Variants in SGCA observed in about 807,000 individuals in gnomAD.
SGCA encodes the protein alpha-sarcoglycan.
SGCA carries 34 observed loss-of-function variants against 38.1 expected under a neutral mutation model. The ratio of observed to expected loss-of-function variants is 0.89; its 90% CI spans 0.68 to 1.19. The LOEUF (loss-of-function observed/expected upper bound fraction) is 1.19, where lower values mean the gene tolerates loss of function less well. Ranked by LOEUF, SGCA falls within the 50% of genes most tolerant of loss-of-function variation. The pLI, the probability that SGCA is intolerant of heterozygous loss-of-function variation, is 0.00. For missense variants in SGCA, 476 were observed against 524.9 expected (o/e 0.91, Z 0.91); for synonymous variants, 209 against 214.6 (o/e 0.97, Z 0.23).
intron 4 of SGCA, 62 bp downstream of exon 4, chr17:50,168,081 AG>A (rs1905077977): frequency 1.4e-6 from 2 of 1,466,248 alleles, no homozygotes; most frequent in East Asian, 4.5e-5. Context: ...TCTCTCCCGG[AG>A]GGGGAGGGGG....
At chr17:50,170,074 T>C in intron 6 of SGCA, 69 bp from the exon 7 acceptor site, 1 of 1,367,330 alleles carries the variant, frequency 7.3e-7, no homozygotes, top group Non-Finnish European at 1.0e-6. Context: ...TCCTGGCCCC[T>C]GCCATGTTCC....
Position 50,167,356 on chromosome 17 carries a change from G to A in SGCA, c.38-12G>A. Reference sequence around the variant, plus strand: ...CTGGCCTGTGTGTTTGGGACTTGTGGGGTCCCCACAGTTCTCCTGGCAGGG... The same window carrying A: ...CTGGCCTGTGTGTTTGGGACTTGTGAGGTCCCCACAGTTCTCCTGGCAGGG... On this transcript the variant is annotated splice_polypyrimidine_tract_variant and intron_variant, in intron 1 of 9. Transcript: ENST00000262018. The surrounding 1 kb of genome is among the most constrained non-coding windows in gnomAD (Gnocchi z 4.5). 1 of 1,613,990 alleles carries A rather than the reference G, an allele frequency of 6.2e-7. No individual in the cohort carries two copies. The highest frequency in any genetic ancestry group is 1.1e-5 in the South Asian group (1 of 91,070).
Position 50,170,359 on chromosome 17 carries a change from T to A in SGCA, c.956+8T>A. The A allele has an allele frequency of 6.2e-7, 1 of 1,612,670 alleles. No homozygotes were observed. Reference sequence around the variant, plus strand: ...CTGCCGGCGGGAGGGAAGGTGAATGTGGGCATGAAGGGCGGGGGAGCACCT... The same window carrying A: ...CTGCCGGCGGGAGGGAAGGTGAATGAGGGCATGAAGGGCGGGGGAGCACCT... On this transcript the variant is annotated splice_region_variant and intron_variant, in intron 7 of 9. Coordinates refer to ENST00000262018, the MANE Select transcript of SGCA (RefSeq NM_000023.4).
rs187247342 is a variant in SGCA, at chr17:50,172,903, T to A, written c.983+2237T>A. 3.1e-3 allele frequency among the ~76,000 whole-genome samples: 472 copies of A among 152,342 alleles called. 2 individuals carry two copies. Among genetic ancestry groups the A allele is most frequent in the African/African-American group, 0.01 (424 of 41,582 alleles). On this transcript the variant is annotated intron_variant, in intron 8 of 9. Transcript: ENST00000262018. ...ATTTTCTGTTTTCAATTTTATAGAA[T>A]TTTTCCCCATGGGGATCAGTGATTT... is the stretch of plus-strand genomic sequence containing the variant.
At chr17:50,169,746 A>C (rs555208148) in intron 6 of SGCA, 3 of 377,498 alleles carry the variant, frequency 7.9e-6, no homozygotes, top group Non-Finnish European at 1.5e-5. Context: ...GCTGGTGTAC[A>C]CTGTTCCTGT....
intron 8 of SGCA, chr17:50,172,163 G>A (rs752839782): frequency 3.3e-5 from 15 of 456,892 alleles, no homozygotes; most frequent in Non-Finnish European, 5.3e-5. Context: ...CTTGAGCTCC[G>A]GCCCTCACCT....
Position 50,170,214 on chromosome 17 carries a change from G to T in SGCA, c.819G>T (p.Pro273=), listed in dbSNP as rs35972733. Residue 273 remains proline (P), a synonymous_variant, in exon 7 of 10, where the codon CCG becomes CCT. Transcript: ENST00000262018. The part of the protein sequence containing the change: ...TPGDGILEHD[P]FFCPPTEAPD... ...GTGATGGGATCCTGGAGCATGACCC[G>T]TTCTTCTGCCCACCCACTGAGGCCC... 54 of 1,614,072 alleles carry T rather than the reference G, an allele frequency of 3.3e-5. No individual in the cohort carries two copies. The African/African-American group carries it at 6.0e-4, about 18-fold the overall frequency.
At chr17:50,171,319 C>T (rs891527250) in intron 8 of SGCA, 8 of 354,816 alleles carry the variant, frequency 2.3e-5, no homozygotes, top group Non-Finnish European at 4.5e-5. Context: ...CAAATCCTTC[C>T]TCTCTTATTT....
chr17:50,174,111 G>A (rs2586477), intron 8 of SGCA, among the ~76,000 whole-genome samples: 105,549 of 152,030 alleles, frequency 0.69, 37,868 homozygotes, highest in East Asian at 0.94. Context: ...TTGAGGCCAG[G>A]AGTTCAAGAC....
At chr17:50,166,785 ACACACCCT>A in intron 1 of SGCA, among the ~76,000 whole-genome samples, 1 of 100,638 alleles carries the variant, frequency 9.9e-6, no homozygotes, top group African/African-American at 4.1e-5. Flanking sequence ...ACACACCCTC[ACACACCCT>A]CACACACACA....
Position 50,167,661 on chromosome 17 carries a change from C to G in SGCA, c.237C>G (p.Thr79=). The G allele has an allele frequency of 1.2e-6, 2 of 1,613,868 alleles. No homozygotes were observed. The highest frequency in any genetic ancestry group is 1.7e-6 in the Non-Finnish European group (2 of 1,179,928). ...ACCTGCCCCGGTGGCTCCGCTACAC[C>G]CAGCGCAGCCCCCACCACCCTGGCT... The part of the protein sequence containing the change: ...HPDLPRWLRY[T]QRSPHHPGFL... Residue 79 remains threonine, a synonymous_variant, in exon 3 of 10, where the codon ACC becomes ACG. Transcript: ENST00000262018. This position sits in a 1 kb window ranked among gnomAD's most constrained non-coding sequence, Gnocchi z 4.5.
chr17:50,169,849 T>C, intron 6 of SGCA: 1 of 524,320 alleles, frequency 1.9e-6, no homozygotes, highest in Non-Finnish European at 3.5e-6. Flanking sequence ...TGCTTGGCAC[T>C]GTCCCATCAA....
intron 8 of SGCA, among the ~76,000 whole-genome samples, chr17:50,172,707 G>A (rs1424556985): frequency 6.6e-6 from 1 of 152,138 alleles, no homozygotes; most frequent in Non-Finnish European, 1.5e-5. Context: ...TGAGCCACTG[G>A]GTTGAAGAAT....
At position 50,168,728 on chromosome 17, in the gene SGCA, G is replaced by A. The variant is rs56273576; in HGVS notation, c.584+156G>A. 9.8e-3 allele frequency among the ~76,000 whole-genome samples: 1,485 copies of A among 151,932 alleles called. 24 individuals are homozygous for A. Among genetic ancestry groups the A allele is most frequent in the African/African-American group, 0.033 (1,382 of 41,396 alleles). On this transcript the variant is annotated intron_variant, in intron 5 of 9. Transcript: ENST00000262018. ...TCACCACTCTCCTCTGGCTATACCC[G>A]CATCTCCTTGTCCTTCCAGAGCCTA...
intron 8 of SGCA, among the ~76,000 whole-genome samples, chr17:50,173,059 C>G (rs74470554): frequency 1.3e-5 from 2 of 152,174 alleles, no homozygotes; most frequent in African/African-American, 4.8e-5. Context: ...CAGCCTTCCC[C>G]GGGTCAACTC....
chr17:50,166,261 G>T, intron 1 of SGCA, 184 bp downstream of exon 1: 1 of 638,142 alleles, frequency 1.6e-6, no homozygotes, highest in Non-Finnish European at 2.8e-6. Flanking sequence ...CTGGGAGCTG[G>T]GCTCTGGGAT....
In SGCA at chr17:50,168,364, G is replaced by A; in HGVS notation, c.386-10G>A. The A allele has an allele frequency of 6.4e-7, 1 of 1,560,798 alleles. No individual in the cohort carries two copies. Among genetic ancestry groups the A allele is most frequent in the Non-Finnish European group, 8.7e-7 (1 of 1,153,390 alleles). On this transcript the variant is annotated splice_polypyrimidine_tract_variant and intron_variant, in intron 4 of 9. Transcript: ENST00000262018. ...GGGTGCAGCCTGAGGTGTCCACCTGGCCTTCCCAGGCCCCCTGCTGCCATA... is the reference window on the plus strand; with the variant it reads ...GGGTGCAGCCTGAGGTGTCCACCTGACCTTCCCAGGCCCCCTGCTGCCATA...
At chr17:50,175,064 T>C (rs989149532) in intron 8 of SGCA, 193 bp from the exon 9 acceptor site, 6 of 652,750 alleles carry the variant, frequency 9.2e-6, no homozygotes, top group Admixed American at 2.1e-5. Context: ...CCCAAAGTGC[T>C]GGGATTATAG....
chr17:50,168,799 A>G (rs1348132070), intron 5 of SGCA, among the ~76,000 whole-genome samples: 1 of 151,890 alleles, frequency 6.6e-6, no homozygotes, highest in African/African-American at 2.4e-5. Context: ...CCTCATGAGG[A>G]CGTACCAGAT....
Sources: gnomAD v4.1 joint callset for allele counts (sites outside exome capture counted in the v4.1 genomes callset) on GRCh38, gnomAD v4.1.1 for gene constraint, Gnocchi (gnomAD v3.1) non-coding constraint, MANE v1.5 for transcripts, NCBI Gene and HGNC (gene_info 2026-07-23, HGNC 2026-07-21) for gene names.